SAMSN1: variants seen among roughly 807,000 people sequenced by gnomAD.
The protein encoded by SAMSN1 is SAM domain, SH3 domain and nuclear localization signals 1, also known as SAM domain-containing protein SAMSN-1.
Under a neutral mutation model 42.0 loss-of-function variants are expected in SAMSN1, and 31 were observed. The ratio of observed to expected loss-of-function variants is 0.74; its 90% CI spans 0.55 to 1.00. The LOEUF (loss-of-function observed/expected upper bound fraction) is 1.00, where lower values mean the gene tolerates loss of function less well. Ranked by LOEUF, SAMSN1 falls within the 50% of genes least tolerant of loss-of-function variation. SAMSN1 has a pLI of 0.00. For synonymous variants in SAMSN1, 178 were observed against 151.9 expected (o/e 1.17, Z -1.26); for missense variants, 464 against 439.4 (o/e 1.06, Z -0.50).
chr21:14,504,101 C>CA (rs1987296259), intron 5 of SAMSN1, among the ~76,000 whole-genome samples: 1 of 152,134 alleles, frequency 6.6e-6, no homozygotes, highest in Admixed American at 6.5e-5. Flanking sequence ...AGAATCTGAA[C>CA]AACAGCCTTC....
chr21:14,519,008 C>T (rs1052261898), intron 2 of SAMSN1, among the ~76,000 whole-genome samples: 3 of 152,080 alleles, frequency 2.0e-5, no homozygotes, highest in Admixed American at 6.5e-5. Context: ...GTTTTTCTAG[C>T]GTTATTTACA....
chr21:14,508,207 G>A (rs1289399547), intron 5 of SAMSN1, among the ~76,000 whole-genome samples: 1 of 152,196 alleles, frequency 6.6e-6, no homozygotes, highest in Non-Finnish European at 1.5e-5. Context: ...TTAAATTGCT[G>A]AGACTTAATT....
intron 2 of SAMSN1, among the ~76,000 whole-genome samples, chr21:14,576,732 C>A (rs1022849974): frequency 6.6e-5 from 10 of 152,110 alleles, no homozygotes; most frequent in African/African-American, 2.4e-4. Flanking sequence ...GCCTTAGATA[C>A]CTTTAAGTAC....
At chr21:14,569,496 T>A (rs1361973525) in intron 2 of SAMSN1, among the ~76,000 whole-genome samples, 2 of 152,152 alleles carry the variant, frequency 1.3e-5, no homozygotes, top group Non-Finnish European at 2.9e-5. Context: ...ATCTTAACCC[T>A]CATCTGCTTT....
Position 14,624,286 on chromosome 21 carries a change from C to T in SAMSN1, c.157-8270G>A, listed in dbSNP as rs542983441. Among the ~76,000 whole-genome samples the T allele has an allele frequency of 6.8e-4, 103 of 152,036 alleles. 1 individual carries two copies. Among genetic ancestry groups the T allele is most frequent in the Admixed American group, 2.0e-4 (3 of 15,256 alleles). Reference sequence around the variant, plus strand: ...AGAAATAACTAAGATCAGAGCAGAACTGAAGGAGATAGAGACACAAAAAAC... The same window carrying T: ...AGAAATAACTAAGATCAGAGCAGAATTGAAGGAGATAGAGACACAAAAAAC... On this transcript the variant is annotated intron_variant, in intron 2 of 15. Transcript: ENST00000647101.
chr21:14,630,082 G>A (rs576315166), intron 2 of SAMSN1, among the ~76,000 whole-genome samples: 3 of 152,232 alleles, frequency 2.0e-5, no homozygotes, highest in Admixed American at 6.5e-5. Context: ...AAATGTGATA[G>A]GAAATCCGAT....
chr21:14,518,869 T>C (rs1988033791), intron 2 of SAMSN1, among the ~76,000 whole-genome samples: 1 of 152,190 alleles, frequency 6.6e-6, no homozygotes, highest in East Asian at 1.9e-4. Flanking sequence ...CTTTTTCTTC[T>C]CTCTACTTAA....
chr21:14,544,712 A>G (rs1056292677), intron 1 of SAMSN1, among the ~76,000 whole-genome samples: 1 of 152,184 alleles, frequency 6.6e-6, no homozygotes, highest in Non-Finnish European at 1.5e-5. Context: ...TTCCAAGTGT[A>G]TTATAATAGT....
At chr21:14,653,333 A>G (rs1983864613) in intron 1 of SAMSN1, among the ~76,000 whole-genome samples, 1 of 152,040 alleles carries the variant, frequency 6.6e-6, no homozygotes, top group Non-Finnish European at 1.5e-5. Flanking sequence ...AATGAAATCC[A>G]GTCATTTGCA....
chr21:14,658,076 A>G (rs949487156), intron 1 of SAMSN1, among the ~76,000 whole-genome samples: 1 of 151,872 alleles, frequency 6.6e-6, no homozygotes, highest in Non-Finnish European at 1.5e-5. Context: ...TTTGAAATCC[A>G]TTTTTAAGCA....
chr21:14,612,796 T>A (rs1361988177), intron 4 of SAMSN1: 4 of 673,118 alleles, frequency 5.9e-6, no homozygotes, highest in Non-Finnish European at 1.1e-5. Flanking sequence ...GTTTTGTTGC[T>A]TTGTGGCAGG....
intron 2 of SAMSN1, among the ~76,000 whole-genome samples, chr21:14,554,669 C>G (rs6516879): frequency 1 from 150,735 of 150,880 alleles, 75,295 homozygotes; most frequent in Non-Finnish European, 1. Flanking sequence ...AGGTGATCAA[C>G]TAGCAGTTAA....
At chr21:14,580,919 T>C (rs558997086) in intron 2 of SAMSN1, among the ~76,000 whole-genome samples, 2 of 152,256 alleles carry the variant, frequency 1.3e-5, no homozygotes, top group African/African-American at 4.8e-5. Context: ...GGTAAAGTTA[T>C]AAAACATGCC....
chr21:14,617,342 T>C (rs1245519421), intron 2 of SAMSN1, among the ~76,000 whole-genome samples: 1 of 152,228 alleles, frequency 6.6e-6, no homozygotes, highest in Admixed American at 6.5e-5. Context: ...TGAAATTGTT[T>C]AGGTCTTGGG....
At chr21:14,503,017 T>A (rs1309767771) in intron 5 of SAMSN1, among the ~76,000 whole-genome samples, 1 of 152,214 alleles carries the variant, frequency 6.6e-6, no homozygotes, top group Non-Finnish European at 1.5e-5. Context: ...ATGAATTCTT[T>A]TAGCGCAAAA....
chr21:14,533,276 A>G (rs893130162), intron 1 of SAMSN1, among the ~76,000 whole-genome samples: 3 of 151,930 alleles, frequency 2.0e-5, no homozygotes, highest in Admixed American at 6.6e-5. Context: ...TATTCAGGGG[A>G]AAAAAAACCC....
chr21:14,513,600 T>C (rs1393926749), intron 3 of SAMSN1, among the ~76,000 whole-genome samples: 2 of 152,156 alleles, frequency 1.3e-5, no homozygotes, highest in Non-Finnish European at 2.9e-5. Flanking sequence ...GTAAGTGTTA[T>C]GAAAGAAATA....
At chr21:14,651,997 G>A (rs1023882428) in intron 1 of SAMSN1, among the ~76,000 whole-genome samples, 1 of 151,926 alleles carries the variant, frequency 6.6e-6, no homozygotes, top group East Asian at 1.9e-4. Flanking sequence ...GAAATCAATT[G>A]AGGAGGACAT....
At chr21:14,658,634 T>C (rs1433908206) in intron 1 of SAMSN1, 2 of 639,110 alleles carry the variant, frequency 3.1e-6, no homozygotes, top group East Asian at 2.8e-5. Context: ...CTTTCTGAGA[T>C]GCTAAGTGTA....
Sources: allele counts gnomAD v4.1 joint callset (sites outside exome capture counted in the v4.1 genomes callset), GRCh38; gene constraint gnomAD v4.1.1; transcripts MANE v1.5; gene names NCBI Gene and HGNC (gene_info 2026-07-23, HGNC 2026-07-21).